TSEN15: variants seen among roughly 807,000 people sequenced by gnomAD.
TSEN15 encodes the protein tRNA splicing endonuclease subunit 15, also known as tRNA-splicing endonuclease subunit Sen15.
A neutral mutation model predicts 20.5 loss-of-function variants in TSEN15; 10 were observed. The observed-to-expected ratio is 0.49, with a 90% CI of 0.30 to 0.83. The LOEUF (loss-of-function observed/expected upper bound fraction) is 0.83. Among genes scored for constraint, TSEN15 ranks in the 40% least tolerant of loss-of-function variants. The probability of loss-of-function intolerance (pLI) is 0.06; values close to 1 mark genes in which losing one functional copy is unlikely to be tolerated. For missense variants in TSEN15, 180 were observed against 218.6 expected (o/e 0.82, Z 1.11); for synonymous variants, 72 against 80.1 (o/e 0.90, Z 0.54).
At chr1:184,057,052 T>G (rs1365607744) in intron 3 of TSEN15, among the ~76,000 whole-genome samples, 1 of 152,136 alleles carries the variant, frequency 6.6e-6, no homozygotes, top group Admixed American at 6.5e-5. Flanking sequence ...TTCTAATGAA[T>G]AAAATTTGGC....
At chr1:184,067,952 ATATATATATATATATATATG>A (rs1485931334) in intron 3 of TSEN15, among the ~76,000 whole-genome samples, 1 of 140,862 alleles carries the variant, frequency 7.1e-6, no homozygotes. Context: ...ATATATATAT[ATATATATATATATATATATG>A]TACATATGTA....
chr1:184,095,674 T>C, intron 3 of TSEN15: 1 of 398,136 alleles, frequency 2.5e-6, no homozygotes, highest in Non-Finnish European at 4.4e-6. Flanking sequence ...TCTCTGTGTC[T>C]CTCTCTCTTT....
chr1:184,066,414 T>C (rs962577083), intron 3 of TSEN15, among the ~76,000 whole-genome samples: 1 of 152,008 alleles, frequency 6.6e-6, no homozygotes, highest in Non-Finnish European at 1.5e-5. Flanking sequence ...CTTTATGTGA[T>C]TTTTTTGAGA....
intron 3 of TSEN15, among the ~76,000 whole-genome samples, chr1:184,080,430 T>C (rs1024600865): frequency 1.3e-5 from 2 of 152,166 alleles, no homozygotes; most frequent in African/African-American, 4.8e-5. Context: ...TTTCAGAATA[T>C]TATGTTGCCT....
At chr1:184,078,317 T>C (rs1187211956), downstream of TSEN15, among the ~76,000 whole-genome samples, 2 of 152,170 alleles carry the variant, frequency 1.3e-5, no homozygotes, top group African/African-American at 4.8e-5. Flanking sequence ...ATACTACATG[T>C]TCGTGTAAAT....
chr1:184,057,288 T>G (rs2102880111), intron 3 of TSEN15, among the ~76,000 whole-genome samples: 1 of 152,152 alleles, frequency 6.6e-6, no homozygotes, highest in Middle Eastern at 3.4e-3. Flanking sequence ...ATTGAGCATG[T>G]AAAGGGGTGC....
chr1:184,076,138 T>C (rs1309541879), downstream of TSEN15, among the ~76,000 whole-genome samples: 7 of 152,040 alleles, frequency 4.6e-5, no homozygotes, highest in South Asian at 2.1e-4. Flanking sequence ...TTTGGGGATA[T>C]TGTGTTTTTT....
intron 3 of TSEN15, among the ~76,000 whole-genome samples, chr1:184,092,489 C>T (rs954997883): frequency 1.3e-5 from 2 of 152,168 alleles, no homozygotes; most frequent in Non-Finnish European, 2.9e-5. Context: ...ATAAATAATG[C>T]AAGAATCACA....
chr1:184,095,853 C>A, exon 4 of TSEN15: 1 of 398,068 alleles, frequency 2.5e-6, no homozygotes, highest in South Asian at 1.3e-4. Flanking sequence ...GCCACCTGGT[C>A]TGTGGTATTT....
intron 3 of TSEN15, among the ~76,000 whole-genome samples, chr1:184,064,661 A>G (rs1168094395): frequency 1.3e-5 from 2 of 152,252 alleles, no homozygotes; most frequent in African/African-American, 2.4e-5. Context: ...GAGTTTTGCC[A>G]CTACAAAATC....
intron 3 of TSEN15, among the ~76,000 whole-genome samples, chr1:184,068,330 T>C (rs1366441074): frequency 6.6e-6 from 1 of 152,146 alleles, no homozygotes; most frequent in African/African-American, 2.4e-5. Context: ...ATAATCCTTA[T>C]TACAAATTCA....
chr1:184,059,745 T>C (rs941231206), intron 3 of TSEN15, among the ~76,000 whole-genome samples: 8 of 152,092 alleles, frequency 5.3e-5, no homozygotes, highest in African/African-American at 1.9e-4. Flanking sequence ...TAATTTTTTG[T>C]GTTTTAGTAG....
intron 3 of TSEN15, chr1:184,070,574 C>A: frequency 1.1e-6 from 1 of 922,986 alleles, no homozygotes; most frequent in Non-Finnish European, 1.5e-6. Context: ...TCAAGATGGA[C>A]AGCCTATAAA....
At chr1:184,054,313 A>AT in intron 1 of TSEN15, 41 bp from the exon 2 acceptor site, 1 of 1,274,586 alleles carries the variant, frequency 7.8e-7, no homozygotes, top group Non-Finnish European at 1.1e-6. Flanking sequence ...ATATTAAATA[A>AT]TTTTTTCTTC....
chr1:184,073,984 A>G lies in TSEN15; in HGVS notation c.*1137A>G, dbSNP rs1427068077. On this transcript the variant is annotated 3_prime_UTR_variant, in exon 5 of 5. Coordinates refer to ENST00000645668, the MANE Select transcript of TSEN15 (RefSeq NM_052965.4). ...TACTTATTAAAAATTAGTAATGAAT[A>G]TTATTAAAAACATGAAAATATTACC... 6.6e-6 allele frequency: 1 copy of G among 152,216 alleles called. No homozygotes were observed. Among genetic ancestry groups the G allele is most frequent in the African/African-American group, 2.4e-5 (1 of 41,462 alleles). The allele number at this position is 152,216 out of a possible 1,614,324, so 9.4% of individuals were successfully genotyped here. A position where few individuals can be genotyped will look rare whatever the true frequency, so the allele number is the denominator to read the frequency against.
chr1:184,070,747 G>C lies in TSEN15; in HGVS notation c.354-1410G>C, dbSNP rs183662744. On this transcript the variant is annotated intron_variant, in intron 3 of 4. Transcript: ENST00000645668. ...ATCAGTGCTGAGTAATGAAGTTTCT[G>C]ATTAATATCTATCGTTGCTTTATCA... 60 of 917,074 alleles carry C rather than the reference G, an allele frequency of 6.5e-5. No homozygotes were observed. In the East Asian group the frequency reaches 3.6e-3, roughly 55 times the overall value. 56.8% of individuals were successfully genotyped at this position (917,074 alleles called of 1,614,324 possible).
downstream of TSEN15, among the ~76,000 whole-genome samples, chr1:184,077,312 C>A (rs1314664600): frequency 6.6e-6 from 1 of 152,134 alleles, no homozygotes; most frequent in Non-Finnish European, 1.5e-5. Flanking sequence ...CATCTGTTTA[C>A]AGCATGGTTT....
chr1:184,054,323 C>T, intron 1 of TSEN15, 31 bp from the exon 2 acceptor site: 2 of 1,347,468 alleles, frequency 1.5e-6, no homozygotes, highest in Admixed American at 1.9e-5. Flanking sequence ...ATTTTTTCTT[C>T]TCAATTTGAC....
At chr1:184,072,669 T>G in intron 4 of TSEN15, 158 bp from the exon 5 acceptor site, 1 of 680,746 alleles carries the variant, frequency 1.5e-6, no homozygotes, top group Non-Finnish European at 2.5e-6. Context: ...GTTGACATTT[T>G]GACAGGAACA....
Sources: allele counts gnomAD v4.1 joint callset (sites outside exome capture counted in the v4.1 genomes callset), GRCh38; gene constraint gnomAD v4.1.1; transcripts MANE v1.5; gene names NCBI Gene and HGNC (gene_info 2026-07-23, HGNC 2026-07-21).